The following FHIT variants were observed in gnomAD, a reference collection of about 807,000 sequenced individuals.
FHIT encodes the protein bis(5'-adenosyl)-triphosphatase.
FHIT carries 19 observed loss-of-function variants against 17.9 expected under a neutral mutation model. That is an observed-to-expected ratio of 1.06 (90% CI 0.74 to 1.56). FHIT has a LOEUF of 1.56. Ranked by LOEUF, FHIT falls within the 40% of genes most tolerant of loss-of-function variation. The probability of loss-of-function intolerance (pLI) is 0.00; values close to 1 mark genes in which losing one functional copy is unlikely to be tolerated. For missense variants in FHIT, 248 were observed against 189.2 expected, an observed-to-expected ratio of 1.31 and a Z score of -1.82; for synonymous variants, 81 against 69.7, an observed-to-expected ratio of 1.16 and a Z score of -0.81.
In FHIT at chr3:60,556,263, T is replaced by C. The variant is rs1325089944; in HGVS notation, c.-17-19284A>G. Among the ~76,000 whole-genome samples, 4 of 152,118 alleles carry C rather than the reference T, an allele frequency of 2.6e-5. No individual in the cohort carries two copies. In the South Asian group the frequency reaches 8.3e-4, roughly 32 times the overall value. Reference sequence around the variant, plus strand: ...CTAGACAAATGTTAAGTGACATCTATAAAGTTTTCTGAGCACCAAAGACAG... The same window carrying C: ...CTAGACAAATGTTAAGTGACATCTACAAAGTTTTCTGAGCACCAAAGACAG... On this transcript the variant is annotated intron_variant, in intron 4 of 9. Coordinates refer to ENST00000492590, the MANE Select transcript of FHIT (RefSeq NM_002012.4).
intron 8 of FHIT, among the ~76,000 whole-genome samples, chr3:59,858,581 G>T (rs1216858968): frequency 1.3e-5 from 2 of 151,852 alleles, no homozygotes; most frequent in African/African-American, 2.4e-5. Flanking sequence ...AGGAGCGAGG[G>T]GTGTCTTGTG....
At chr3:60,950,214 T>C (rs1163613365) in intron 3 of FHIT, among the ~76,000 whole-genome samples, 1 of 152,238 alleles carries the variant, frequency 6.6e-6, no homozygotes, top group Non-Finnish European at 1.5e-5. Flanking sequence ...ATGACTACAC[T>C]ATGCAGACAT....
chr3:60,659,150 T>C (rs2040183929), intron 4 of FHIT, among the ~76,000 whole-genome samples: 1 of 152,088 alleles, frequency 6.6e-6, no homozygotes, highest in Middle Eastern at 3.2e-3. Flanking sequence ...ATAATCGTAT[T>C]GATGATTCCT....
intron 5 of FHIT, among the ~76,000 whole-genome samples, chr3:60,406,060 A>C (rs1224326844): frequency 1.3e-5 from 2 of 152,234 alleles, no homozygotes; most frequent in African/African-American, 4.8e-5. Context: ...CATTATTATA[A>C]TAAAAGCCGC....
At chr3:60,457,450 A>C (rs537200246) in intron 5 of FHIT, among the ~76,000 whole-genome samples, 2 of 152,136 alleles carry the variant, frequency 1.3e-5, no homozygotes, top group South Asian at 2.1e-4. Flanking sequence ...TTAAAGACTT[A>C]AATGTTAGAC....
intron 2 of FHIT, among the ~76,000 whole-genome samples, chr3:61,059,780 T>C (rs1381307460): frequency 6.6e-6 from 1 of 152,222 alleles, no homozygotes; most frequent in Non-Finnish European, 1.5e-5. Context: ...CATTCTTGCA[T>C]TGCTATAAAG....
At chr3:60,451,093 C>T (rs898360116) in intron 5 of FHIT, among the ~76,000 whole-genome samples, 6 of 152,082 alleles carry the variant, frequency 3.9e-5, no homozygotes, top group Non-Finnish European at 8.8e-5. Flanking sequence ...AATTAAACAT[C>T]GGTAAAACAA....
At chr3:60,367,090 C>T (rs984033826) in intron 5 of FHIT, among the ~76,000 whole-genome samples, 1 of 152,188 alleles carries the variant, frequency 6.6e-6, no homozygotes, top group African/African-American at 2.4e-5. Context: ...CAATACTCAA[C>T]TAATCTATAA....
intron 3 of FHIT, among the ~76,000 whole-genome samples, chr3:60,928,172 G>C (rs1355436429): frequency 1.3e-5 from 2 of 152,046 alleles, no homozygotes; most frequent in Non-Finnish European, 2.9e-5. Context: ...AAACACTGCA[G>C]AAGGCCACAG....
At chr3:59,862,305 T>C (rs760128152) in intron 8 of FHIT, among the ~76,000 whole-genome samples, 7 of 152,160 alleles carry the variant, frequency 4.6e-5, no homozygotes, top group Non-Finnish European at 8.8e-5. Flanking sequence ...TTACTCACTA[T>C]CACAAGAACA....
chr3:60,027,213 A>G (rs558205135), intron 5 of FHIT, among the ~76,000 whole-genome samples: 1 of 151,800 alleles, frequency 6.6e-6, no homozygotes, highest in East Asian at 1.9e-4. Flanking sequence ...ATTTCTATAT[A>G]TTTGAATTTC....
chr3:60,805,194 A>G (rs1294144832), intron 4 of FHIT, among the ~76,000 whole-genome samples: 1 of 152,222 alleles, frequency 6.6e-6, no homozygotes, highest in Non-Finnish European at 1.5e-5. Flanking sequence ...CTTGTCATCA[A>G]CTGAGGCTCA....
chr3:60,207,887 G>T (rs1703275133), intron 5 of FHIT, among the ~76,000 whole-genome samples: 1 of 152,104 alleles, frequency 6.6e-6, no homozygotes, highest in African/African-American at 2.4e-5. Flanking sequence ...AGATAAATTT[G>T]AAATTTTCTT....
At chr3:60,044,393 C>A (rs1386464550) in intron 5 of FHIT, among the ~76,000 whole-genome samples, 3 of 152,200 alleles carry the variant, frequency 2.0e-5, no homozygotes, top group Non-Finnish European at 2.9e-5. Context: ...CATGCAGAAC[C>A]CCCTGTAACA....
At chr3:60,391,626 T>C (rs922492930) in intron 5 of FHIT, among the ~76,000 whole-genome samples, 19 of 152,176 alleles carry the variant, frequency 1.2e-4, no homozygotes, top group African/African-American at 4.6e-4. Context: ...ATACTTACCA[T>C]TGTGTTACAG....
At chr3:60,044,920 T>C (rs920659058) in intron 5 of FHIT, among the ~76,000 whole-genome samples, 4 of 152,134 alleles carry the variant, frequency 2.6e-5, no homozygotes, top group African/African-American at 9.6e-5. Flanking sequence ...CAACAACTAA[T>C]AATCGTGCTT....
chr3:60,605,274 A>G (rs2107720627), intron 4 of FHIT, among the ~76,000 whole-genome samples: 1 of 152,284 alleles, frequency 6.6e-6, no homozygotes, highest in East Asian at 1.9e-4. Flanking sequence ...CTGCAATAAA[A>G]GTGATTTGAA....
chr3:60,884,688 A>G (rs1288857902), intron 3 of FHIT, among the ~76,000 whole-genome samples: 1 of 151,984 alleles, frequency 6.6e-6, no homozygotes. Flanking sequence ...AATCCCAGCA[A>G]TTTGGGAGGC....
chr3:60,713,698 G>A (rs562329627), intron 4 of FHIT, among the ~76,000 whole-genome samples: 474 of 152,264 alleles, frequency 3.1e-3, no homozygotes, highest in Non-Finnish European at 4.3e-3. Context: ...TAAATTCCTC[G>A]ACACATACAC....
Sources: gnomAD v4.1 joint callset for allele counts (sites outside exome capture counted in the v4.1 genomes callset) on GRCh38, gnomAD v4.1.1 for gene constraint, MANE v1.5 for transcripts, NCBI Gene and HGNC (gene_info 2026-07-23, HGNC 2026-07-21) for gene names.